Variants in RORA observed in about 807,000 individuals in gnomAD.
RORA encodes the protein nuclear receptor ROR-alpha.
Under a neutral mutation model 69.5 loss-of-function variants are expected in RORA, and 7 were observed. That is an observed-to-expected ratio of 0.10 (90% CI 0.06 to 0.19). The LOEUF (loss-of-function observed/expected upper bound fraction) is 0.19. Ranked by LOEUF, RORA falls within the 10% of genes least tolerant of loss-of-function variation. The probability of loss-of-function intolerance (pLI) is 1.00; values close to 1 mark genes in which losing one functional copy is unlikely to be tolerated. For synonymous variants in RORA, 261 were observed against 240.8 expected (o/e 1.08, Z -0.78); for missense variants, 457 against 663.0 (o/e 0.69, Z 3.41).
intron 1 of RORA, among the ~76,000 whole-genome samples, chr15:61,057,863 C>A (rs1200379698): frequency 6.6e-6 from 1 of 152,210 alleles, no homozygotes; most frequent in Non-Finnish European, 1.5e-5. Context: ...ATTCAGGAAT[C>A]CATCCTCCTG....
At chr15:61,023,378 T>G (rs958138902) in intron 1 of RORA, among the ~76,000 whole-genome samples, 6 of 151,438 alleles carry the variant, frequency 4.0e-5, no homozygotes. Flanking sequence ...AAGAGAAAAA[T>G]GAGGAAGATG....
intron 7 of RORA, among the ~76,000 whole-genome samples, chr15:60,503,175 T>C (rs916574364): frequency 6.6e-6 from 1 of 152,220 alleles, no homozygotes; most frequent in African/African-American, 2.4e-5. Flanking sequence ...CATTTATTCA[T>C]ATGTACTAAA....
intron 1 of RORA, among the ~76,000 whole-genome samples, chr15:60,970,303 C>T (rs1893677033): frequency 6.6e-6 from 1 of 152,236 alleles, no homozygotes; most frequent in Non-Finnish European, 1.5e-5. Context: ...CTCTCTGGTT[C>T]TCAGTAAAGG....
chr15:60,551,822 G>T (rs1191682336), intron 2 of RORA, among the ~76,000 whole-genome samples: 3 of 152,230 alleles, frequency 2.0e-5, no homozygotes, highest in African/African-American at 7.2e-5. Context: ...AGGTTACCAA[G>T]CTTGGGCAAG....
At chr15:61,168,284 C>T (rs986422415) in intron 1 of RORA, among the ~76,000 whole-genome samples, 1 of 151,668 alleles carries the variant, frequency 6.6e-6, no homozygotes, top group Non-Finnish European at 1.5e-5. Context: ...GCTGGAGTGC[C>T]GTGGCGTGAT....
At chr15:60,882,184 A>C (rs1342549180) in intron 1 of RORA, among the ~76,000 whole-genome samples, 1 of 152,146 alleles carries the variant, frequency 6.6e-6, no homozygotes, top group East Asian at 1.9e-4. Flanking sequence ...GCAACCACTA[A>C]AATTCACTAG....
At position 60,555,155 on chromosome 15, in the gene RORA, T is replaced by C. The variant is rs77449281; in HGVS notation, c.197-23304A>G. ...TCTCTCTGTACCAAAATGGCCTTTCTGTATGTCAGTATCCTGGGAGCACAC... is the reference window on the plus strand; with the variant it reads ...TCTCTCTGTACCAAAATGGCCTTTCCGTATGTCAGTATCCTGGGAGCACAC... On this transcript the variant is annotated intron_variant, in intron 2 of 10. Transcript: ENST00000335670. Among the ~76,000 whole-genome samples the C allele has an allele frequency of 4.9e-3, 751 of 152,282 alleles. 3 individuals are homozygous for C. The highest frequency in any genetic ancestry group is 0.017 in the African/African-American group (711 of 41,548).
At chr15:60,679,452 C>A (rs994542548) in intron 1 of RORA, among the ~76,000 whole-genome samples, 1 of 152,190 alleles carries the variant, frequency 6.6e-6, no homozygotes, top group Non-Finnish European at 1.5e-5. Context: ...TGCTTTGATG[C>A]AAACAACACT....
intron 2 of RORA, chr15:60,592,270 G>T (rs192366802): frequency 1.5e-6 from 1 of 673,316 alleles, no homozygotes; most frequent in South Asian, 6.8e-5. Flanking sequence ...CCCCCGCGCC[G>T]AGCCCCGGGC....
At chr15:61,003,242 C>A (rs542706596) in intron 1 of RORA, among the ~76,000 whole-genome samples, 1 of 151,930 alleles carries the variant, frequency 6.6e-6, no homozygotes, top group African/African-American at 2.4e-5. Flanking sequence ...CAGTTTAAAA[C>A]GAAAAGTAGT....
chr15:60,505,658 C>G (rs201885106), intron 5 of RORA, 29 bp from the exon 6 acceptor site: 2 of 1,608,304 alleles, frequency 1.2e-6, no homozygotes, highest in Admixed American at 1.7e-5. Context: ...ATCACAAACA[C>G]GAAAAGCGAA....
chr15:60,563,508 A>G (rs2067635918), intron 2 of RORA, among the ~76,000 whole-genome samples: 1 of 152,220 alleles, frequency 6.6e-6, no homozygotes, highest in Admixed American at 6.5e-5. Context: ...TTTAGTCATC[A>G]AGAACACTTA....
intron 2 of RORA, among the ~76,000 whole-genome samples, chr15:60,600,510 C>T (rs2068787234): frequency 6.6e-6 from 1 of 152,206 alleles, no homozygotes; most frequent in Non-Finnish European, 1.5e-5. Context: ...ATTCTCTGCT[C>T]TCAGAAGTCC....
intron 2 of RORA, among the ~76,000 whole-genome samples, chr15:60,662,177 G>C (rs2070313328): frequency 6.6e-6 from 1 of 152,126 alleles, no homozygotes; most frequent in African/African-American, 2.4e-5. Flanking sequence ...GTTGGGGGAT[G>C]GTATTATTAG....
rs189635296 is a variant in RORA, at chr15:60,957,002, T to C, written c.166+272051A>G. Reference sequence around the variant, plus strand: ...CACTCTTGTCCTATCAGCCTCACAGTGCTGCTGTATAAGTCAGGTGAGAGC... The same window carrying C: ...CACTCTTGTCCTATCAGCCTCACAGCGCTGCTGTATAAGTCAGGTGAGAGC... On this transcript the variant is annotated intron_variant, in intron 1 of 10. Transcript: ENST00000335670. 5.3e-5 allele frequency among the ~76,000 whole-genome samples: 8 copies of C among 152,336 alleles called. No homozygotes were observed. In the East Asian group the frequency reaches 1.5e-3, roughly 29 times the overall value.
At chr15:61,170,034 T>C (rs2079572114) in intron 1 of RORA, among the ~76,000 whole-genome samples, 1 of 152,208 alleles carries the variant, frequency 6.6e-6, no homozygotes, top group Non-Finnish European at 1.5e-5. Flanking sequence ...TGTTTACTTC[T>C]GCACTGCCTC....
intron 1 of RORA, among the ~76,000 whole-genome samples, chr15:61,006,763 C>A (rs745509644): frequency 1.2e-4 from 19 of 152,078 alleles, no homozygotes; most frequent in Non-Finnish European, 2.4e-4. Flanking sequence ...TATCAGTGCT[C>A]ACTAGATGCA....
intron 1 of RORA, among the ~76,000 whole-genome samples, chr15:60,919,161 C>G (rs938161239): frequency 6.6e-6 from 1 of 152,198 alleles, no homozygotes; most frequent in Non-Finnish European, 1.5e-5. Context: ...TCCTCCACAT[C>G]CCCTTGAGTT....
intron 1 of RORA, among the ~76,000 whole-genome samples, chr15:60,937,914 A>G (rs1203668183): frequency 6.6e-6 from 1 of 152,252 alleles, no homozygotes; most frequent in Non-Finnish European, 1.5e-5. Context: ...TATCAGTGAT[A>G]ATAGCTAATA....
Sources: allele counts gnomAD v4.1 joint callset (sites outside exome capture counted in the v4.1 genomes callset), GRCh38; gene constraint gnomAD v4.1.1; transcripts MANE v1.5; gene names NCBI Gene and HGNC (gene_info 2026-07-23, HGNC 2026-07-21).